PTPRN2: variants seen among roughly 807,000 people sequenced by gnomAD.
PTPRN2 encodes receptor-type tyrosine-protein phosphatase N2.
PTPRN2 carries 74 observed loss-of-function variants against 118.8 expected under a neutral mutation model. The observed-to-expected ratio is 0.62, with a 90% CI of 0.52 to 0.76. The LOEUF (loss-of-function observed/expected upper bound fraction) is 0.76. Ranked by LOEUF, PTPRN2 falls within the 30% of genes least tolerant of loss-of-function variation. PTPRN2 has a pLI of 0.00. For missense variants in PTPRN2, 1,481 were observed against 1,394.4 expected (o/e 1.06, Z -0.99); for synonymous variants, 641 against 608.0 (o/e 1.05, Z -0.80).
intron 6 of PTPRN2, among the ~76,000 whole-genome samples, chr7:158,159,721 A>G (rs1269161022): frequency 2.0e-5 from 3 of 152,176 alleles, no homozygotes; most frequent in Non-Finnish European, 4.4e-5. Context: ...GATTTCCAAA[A>G]CGCTTTCGCT....
chr7:157,676,224 AGCC>A lies in PTPRN2; in HGVS notation c.2001+6498_2001+6500del. 6.6e-6 allele frequency among the ~76,000 whole-genome samples: 1 copy of A among 152,080 alleles called. No homozygotes were observed. Among genetic ancestry groups the A allele is most frequent in the South Asian group, 2.1e-4 (1 of 4,818 alleles). ...TCCCTCTAGCCCAGTTCCTCCTGGC[AGCC>A]CTGCAAATGCCCACCCTCTTGGGTC... On this transcript the variant is annotated intron_variant, in intron 13 of 22. Coordinates refer to ENST00000389418, the MANE Select transcript of PTPRN2 (RefSeq NM_002847.5). The surrounding 1 kb of genome is among the most constrained non-coding windows in gnomAD (Gnocchi z 5.6).
intron 2 of PTPRN2, among the ~76,000 whole-genome samples, chr7:158,440,980 TGGTGGTGGTGATGGC>T (rs1817016059): frequency 7.0e-6 from 1 of 143,626 alleles, no homozygotes; most frequent in African/African-American, 2.8e-5. Flanking sequence ...TTGGTGGTAG[TGGTGGTGGTGATGGC>T]AGTGATGGGG....
At chr7:158,058,596 G>A (rs878865590) in intron 11 of PTPRN2, among the ~76,000 whole-genome samples, 1 of 75,854 alleles carries the variant, frequency 1.3e-5, no homozygotes, top group Non-Finnish European at 2.6e-5. Flanking sequence ...AGACATCACT[G>A]CAGCCACACT....
intron 14 of PTPRN2, among the ~76,000 whole-genome samples, chr7:157,642,814 C>CAAAAAAAAAAACAAAA (rs1804758526): frequency 4.1e-5 from 1 of 24,206 alleles, no homozygotes. Context: ...CAAGAAACAG[C>CAAAAAAAAAAACAAAA]AAAAAAAAAA....
At chr7:158,108,169 A>G (rs1309741812) in intron 10 of PTPRN2, among the ~76,000 whole-genome samples, 1 of 151,034 alleles carries the variant, frequency 6.6e-6, no homozygotes, top group African/African-American at 2.4e-5. Context: ...GGATGTCTGC[A>G]TGAGCCTGCC....
At position 157,748,315 on chromosome 7, in the gene PTPRN2, ATCTCTGAGCAGAGGGGTGTCCG is replaced by A. The variant is rs1563067538; in HGVS notation, c.1789-65400_1789-65379del. ...GTGTCTGGGGGATTCTGAGGCCTGC[ATCTCTGAGCAGAGGGGTGTCCG>A]GGCAATTCTGAGGCCTGCGTCCCTG... On this transcript the variant is annotated intron_variant, in intron 12 of 22. Transcript: ENST00000389418. Among the ~76,000 whole-genome samples, 12 of 48,476 alleles carry A rather than the reference ATCTCTGAGCAGAGGGGTGTCCG, an allele frequency of 2.5e-4. No homozygotes were observed. The South Asian group carries it at 5.6e-3, about 22-fold the overall frequency. The allele number at this position is 48,476 out of a possible 152,430, so 31.8% of individuals were successfully genotyped here.
intron 2 of PTPRN2, among the ~76,000 whole-genome samples, chr7:158,451,320 G>A (rs1002086826): frequency 2.0e-5 from 3 of 151,810 alleles, no homozygotes; most frequent in Admixed American, 1.3e-4. Context: ...TTCTCTTTAC[G>A]GTGTCTTTTT....
intron 10 of PTPRN2, among the ~76,000 whole-genome samples, chr7:158,104,352 G>T (rs1027561265): frequency 6.6e-6 from 1 of 152,188 alleles, no homozygotes; most frequent in Admixed American, 6.5e-5. Context: ...AGACACATAA[G>T]AATCAAGACA....
chr7:158,018,628 G>A (rs556099484), intron 11 of PTPRN2, among the ~76,000 whole-genome samples: 11 of 152,192 alleles, frequency 7.2e-5, no homozygotes, highest in Admixed American at 2.0e-4. Flanking sequence ...TGGTAGAGAC[G>A]GTTCCTAACC....
chr7:158,144,500 A>C (rs989140074), intron 6 of PTPRN2, among the ~76,000 whole-genome samples: 1 of 152,224 alleles, frequency 6.6e-6, no homozygotes, highest in Non-Finnish European at 1.5e-5. Context: ...TTAGCTGGGC[A>C]TGGTGTCAGG....
intron 9 of PTPRN2, among the ~76,000 whole-genome samples, chr7:158,116,928 A>C (rs1298266865): frequency 6.6e-6 from 1 of 152,224 alleles, no homozygotes; most frequent in African/African-American, 2.4e-5. Context: ...ATTTAAAAGA[A>C]AGATAAACAA....
chr7:158,171,030 TATATATACACATAC>T (rs1823509714), intron 5 of PTPRN2, among the ~76,000 whole-genome samples: 3 of 144,592 alleles, frequency 2.1e-5, no homozygotes, highest in African/African-American at 5.3e-5. Context: ...TATATACACA[TATATATACACATAC>T]ATATATATAC....
chr7:157,626,972 GTTCCT>G (rs1219364286), intron 14 of PTPRN2, among the ~76,000 whole-genome samples: 1 of 152,234 alleles, frequency 6.6e-6, no homozygotes, highest in African/African-American at 2.4e-5. Context: ...CTCATTGAGT[GTTCCT>G]GTAACAACCT....
In PTPRN2 at chr7:158,287,807, C is replaced by A. The variant is rs184915089; in HGVS notation, c.277+29012G>T. On this transcript the variant is annotated intron_variant, in intron 3 of 22. Coordinates refer to ENST00000389418, the MANE Select transcript of PTPRN2 (RefSeq NM_002847.5). ...ATTTGCTACCATTATATGGTATATT[C>A]TGTATATATCTGTTATGTCCATTTG... Among the ~76,000 whole-genome samples the A allele has an allele frequency of 4.0e-3, 612 of 152,176 alleles. 1 individual carries two copies. Among genetic ancestry groups the A allele is most frequent in the Non-Finnish European group, 6.7e-3 (457 of 67,968 alleles).
intron 2 of PTPRN2, among the ~76,000 whole-genome samples, chr7:158,439,601 A>G (rs1023780041): frequency 2.6e-5 from 4 of 152,218 alleles, no homozygotes; most frequent in African/African-American, 9.6e-5. Context: ...TCCTTTACAG[A>G]TAAAGCTTGC....
At position 157,881,344 on chromosome 7, in the gene PTPRN2, A is replaced by AAG. The variant is rs34893917; in HGVS notation, c.1788+17327_1788+17328dup. ...CCCATGTGACTGGCATCCTTGTAGG[A>AAG]AGGAGATGCAGACACAGGTGCACAC... is the stretch of plus-strand genomic sequence containing the variant. On this transcript the variant is annotated intron_variant, in intron 12 of 22. Transcript: ENST00000389418. The surrounding 1 kb of genome is among the most constrained non-coding windows in gnomAD (Gnocchi z 4.7). Among the ~76,000 whole-genome samples, 123,663 of 151,386 alleles carry AAG rather than the reference A, an allele frequency of 0.82. 50,919 individuals are homozygous for AAG. The highest frequency in any genetic ancestry group is 0.89 in the East Asian group (4,575 of 5,156).
intron 3 of PTPRN2, among the ~76,000 whole-genome samples, chr7:158,209,250 C>A (rs766490929): frequency 8.6e-5 from 13 of 152,008 alleles, no homozygotes; most frequent in Admixed American, 1.3e-4. Context: ...AATCAAAACA[C>A]ACAGAGTGGT....
chr7:158,249,578 T>G (rs1796528955), intron 3 of PTPRN2, among the ~76,000 whole-genome samples: 1 of 151,982 alleles, frequency 6.6e-6, no homozygotes, highest in Non-Finnish European at 1.5e-5. Flanking sequence ...ACACCCTGCA[T>G]GCACACGCAT....
intron 11 of PTPRN2, among the ~76,000 whole-genome samples, chr7:158,080,343 A>G (rs1812713872): frequency 8.4e-6 from 1 of 118,682 alleles, no homozygotes; most frequent in South Asian, 2.8e-4. Flanking sequence ...AAAAAAAAAC[A>G]AGTTCATAGA....
Sources: gnomAD v4.1 joint callset for allele counts (sites outside exome capture counted in the v4.1 genomes callset) on GRCh38, gnomAD v4.1.1 for gene constraint, Gnocchi (gnomAD v3.1) non-coding constraint, MANE v1.5 for transcripts, NCBI Gene and HGNC (gene_info 2026-07-23, HGNC 2026-07-21) for gene names.